The following RDX variants were observed in gnomAD, a reference collection of about 807,000 sequenced individuals.
The protein encoded by RDX is radixin.
A neutral mutation model predicts 83.7 loss-of-function variants in RDX; 32 were observed. The ratio of observed to expected loss-of-function variants is 0.38; its 90% CI spans 0.29 to 0.51. The LOEUF (loss-of-function observed/expected upper bound fraction) is 0.51. RDX is among the 20% of genes least tolerant of loss of function. The pLI is 0.87. For synonymous variants in RDX, 229 were observed against 222.7 expected (o/e 1.03, Z -0.25); for missense variants, 600 against 689.9 (o/e 0.87, Z 1.46).
chr11:110,200,718 A>G (rs1196969301), intron 14 of RDX, among the ~76,000 whole-genome samples: 1 of 152,242 alleles, frequency 6.6e-6, no homozygotes, highest in Non-Finnish European at 1.5e-5. Flanking sequence ...TAATAAAGGA[A>G]CATAGAAACA....
chr11:110,206,544 G>C (rs1863612703), intron 14 of RDX, among the ~76,000 whole-genome samples: 1 of 152,144 alleles, frequency 6.6e-6, no homozygotes, highest in Admixed American at 6.5e-5. Flanking sequence ...TGACGTGATG[G>C]AGAGGAACAT....
At chr11:110,232,826 G>T (rs1864692827) in intron 13 of RDX, among the ~76,000 whole-genome samples, 1 of 152,086 alleles carries the variant, frequency 6.6e-6, no homozygotes, top group South Asian at 2.1e-4. Context: ...TGTTGGCCAG[G>T]CTGGTCTTGA....
At chr11:110,255,822 C>T (rs1385471682) in intron 7 of RDX, among the ~76,000 whole-genome samples, 1 of 152,040 alleles carries the variant, frequency 6.6e-6, no homozygotes, top group African/African-American at 2.4e-5. Context: ...AATAAAAAAA[C>T]AGTACTTCCT....
downstream of RDX, among the ~76,000 whole-genome samples, chr11:110,228,367 TA>T (rs773079017): frequency 4.3e-4 from 65 of 152,114 alleles, no homozygotes; most frequent in African/African-American, 1.5e-3. Context: ...TTTGATAGGT[TA>T]AAAAAATGGA....
At chr11:110,236,835 G>A (rs1864871701) in intron 11 of RDX, among the ~76,000 whole-genome samples, 1 of 151,906 alleles carries the variant, frequency 6.6e-6, no homozygotes, top group South Asian at 2.1e-4. Context: ...GGTCAGGGTG[G>A]TCTTGAACTC....
At chr11:110,267,606 G>A (rs1256569376) in intron 3 of RDX, among the ~76,000 whole-genome samples, 1 of 149,224 alleles carries the variant, frequency 6.7e-6, no homozygotes, top group African/African-American at 2.5e-5. Flanking sequence ...TTTCAAGACA[G>A]CAAACTGAAC....
At chr11:110,244,996 G>A (rs769103863) in intron 10 of RDX, among the ~76,000 whole-genome samples, 13 of 143,048 alleles carry the variant, frequency 9.1e-5, no homozygotes, top group African/African-American at 2.3e-4. Context: ...ACAGAGTCTC[G>A]CTCTGTCATC....
At chr11:110,232,507 T>C (rs1176094543) in intron 13 of RDX, among the ~76,000 whole-genome samples, 5 of 152,194 alleles carry the variant, frequency 3.3e-5, no homozygotes, top group Admixed American at 3.3e-4. Flanking sequence ...TTGACCTAGT[T>C]ATGTCCATGT....
At chr11:110,260,162 T>C (rs1859743742) in intron 5 of RDX, among the ~76,000 whole-genome samples, 1 of 151,772 alleles carries the variant, frequency 6.6e-6, no homozygotes, top group Admixed American at 6.6e-5. Context: ...AATTTTGTAT[T>C]TTTAGTAGAG....
chr11:110,285,983 T>C (rs1018764652), intron 1 of RDX, among the ~76,000 whole-genome samples: 1 of 152,088 alleles, frequency 6.6e-6, no homozygotes, highest in South Asian at 2.1e-4. Flanking sequence ...AAGACACATA[T>C]TTATATACCA....
intron 14 of RDX, among the ~76,000 whole-genome samples, chr11:110,208,838 C>G (rs931469862): frequency 1.3e-5 from 2 of 152,100 alleles, no homozygotes; most frequent in African/African-American, 4.8e-5. Flanking sequence ...CACCTGTAAT[C>G]ACAGCTACTC....
downstream of RDX, among the ~76,000 whole-genome samples, chr11:110,225,738 G>A (rs966860959): frequency 6.6e-6 from 1 of 152,040 alleles, no homozygotes; most frequent in Non-Finnish European, 1.5e-5. Context: ...AAAATATTAC[G>A]ACAATTCCTC....
chr11:110,192,934 C>T (rs1294522239), intron 15 of RDX, among the ~76,000 whole-genome samples: 1 of 151,934 alleles, frequency 6.6e-6, no homozygotes. Flanking sequence ...TAAATTAGTT[C>T]AGCCACTGTG....
At chr11:110,274,495 G>A (rs1860434654) in intron 2 of RDX, among the ~76,000 whole-genome samples, 2 of 151,984 alleles carry the variant, frequency 1.3e-5, no homozygotes, top group African/African-American at 4.8e-5. Context: ...TTCACTTTAC[G>A]AAAATTCATC....
intron 15 of RDX, chr11:110,179,808 G>T (rs1862845431): frequency 1.3e-5 from 5 of 382,936 alleles, no homozygotes; most frequent in Non-Finnish European, 2.5e-5. Context: ...ACAAGGTTAA[G>T]TTGTACCTGC....
At chr11:110,278,874 C>G (rs1208572088) in intron 2 of RDX, among the ~76,000 whole-genome samples, 2 of 150,016 alleles carry the variant, frequency 1.3e-5, no homozygotes, top group Non-Finnish European at 3.0e-5. Flanking sequence ...AAAAAAACAA[C>G]TCACTTTATT....
intron 9 of RDX, among the ~76,000 whole-genome samples, chr11:110,251,623 A>T (rs911531893): frequency 6.6e-6 from 1 of 152,136 alleles, no homozygotes; most frequent in African/African-American, 2.4e-5. Context: ...CTAACCTACA[A>T]TTGGTACATA....
At chr11:110,184,184 G>A (rs1862941724) in intron 15 of RDX, among the ~76,000 whole-genome samples, 1 of 152,224 alleles carries the variant, frequency 6.6e-6, no homozygotes, top group Non-Finnish European at 1.5e-5. Context: ...TCTGAGCACT[G>A]TGGCAGCAAC....
chr11:110,233,015 A>G (rs1864700778), intron 13 of RDX, among the ~76,000 whole-genome samples: 1 of 152,158 alleles, frequency 6.6e-6, no homozygotes, highest in African/African-American at 2.4e-5. Flanking sequence ...TAATTAAATA[A>G]CTCACTAGTT....
Sources: allele counts gnomAD v4.1 joint callset (sites outside exome capture counted in the v4.1 genomes callset), GRCh38; gene constraint gnomAD v4.1.1; transcripts MANE v1.5; gene names NCBI Gene and HGNC (gene_info 2026-07-23, HGNC 2026-07-21).